Variants in AGMO observed in about 807,000 individuals in gnomAD.
The protein encoded by AGMO is alkylglycerol monooxygenase.
In AGMO, 75 loss-of-function variants were observed where a neutral mutation model predicts 60.2. The ratio of observed to expected loss-of-function variants is 1.25; its 90% CI spans 1.03 to 1.51. AGMO has a LOEUF of 1.51. AGMO is among the 40% of genes most tolerant of loss of function. The pLI is 0.00. For missense variants in AGMO, 763 were observed against 525.5 expected (o/e 1.45, Z -4.42); for synonymous variants, 261 against 177.1 (o/e 1.47, Z -3.76).
At chr7:15,474,311 C>T (rs1394137335) in intron 3 of AGMO, among the ~76,000 whole-genome samples, 1 of 152,078 alleles carries the variant, frequency 6.6e-6, no homozygotes, top group African/African-American at 2.4e-5. Context: ...TACTACAAGC[C>T]TACAGTAACC....
intron 12 of AGMO, among the ~76,000 whole-genome samples, chr7:15,346,057 T>A (rs1328594139): frequency 6.6e-6 from 1 of 152,190 alleles, no homozygotes; most frequent in Non-Finnish European, 1.5e-5. Context: ...TGAAGTATAT[T>A]CTGCTGTTAG....
At chr7:15,304,200 T>G (rs1473633344) in intron 12 of AGMO, among the ~76,000 whole-genome samples, 1 of 152,122 alleles carries the variant, frequency 6.6e-6, no homozygotes, top group Non-Finnish European at 1.5e-5. Flanking sequence ...CAAATGAAAG[T>G]TAACTTTAAA....
At chr7:15,559,995 A>G in intron 2 of AGMO, 146 bp downstream of exon 2, 2 of 723,860 alleles carry the variant, frequency 2.8e-6, no homozygotes. Flanking sequence ...AGAACAAAAT[A>G]TCAAAATTTT....
At chr7:15,303,395 T>C (rs1488250668) in intron 12 of AGMO, among the ~76,000 whole-genome samples, 1 of 151,734 alleles carries the variant, frequency 6.6e-6, no homozygotes, top group East Asian at 1.9e-4. Flanking sequence ...GAATGTCTAA[T>C]TGTGTATTTG....
At chr7:15,177,654 A>C in the AGMO span, among the ~76,000 whole-genome samples, 33 of 152,190 alleles carry the variant, frequency 2.2e-4, no homozygotes, top group East Asian at 6.2e-3. Flanking sequence ...CATGAATAGC[A>C]TGTCTTAACT....
intron 12 of AGMO, among the ~76,000 whole-genome samples, chr7:15,309,791 A>G (rs141824619): frequency 1.3e-5 from 2 of 152,254 alleles, no homozygotes; most frequent in Non-Finnish European, 2.9e-5. Context: ...TGGCTTGCCT[A>G]ATGTCCCTCA....
intron 10 of AGMO, among the ~76,000 whole-genome samples, chr7:15,381,198 G>A (rs1413351101): frequency 6.6e-6 from 1 of 152,044 alleles, no homozygotes; most frequent in African/African-American, 2.4e-5. Context: ...TTAAACTGAA[G>A]AGCTTCTGCA....
chr7:15,398,407 G>C (rs561467371), intron 5 of AGMO, among the ~76,000 whole-genome samples: 9 of 152,278 alleles, frequency 5.9e-5, no homozygotes, highest in Admixed American at 4.6e-4. Context: ...GTCAACCACA[G>C]ATAAATTTCC....
intron 12 of AGMO, among the ~76,000 whole-genome samples, chr7:15,248,998 G>A (rs1782851129): frequency 6.6e-6 from 1 of 152,170 alleles, no homozygotes; most frequent in Admixed American, 6.5e-5. Flanking sequence ...TTTAACAAAT[G>A]AGTATGGATA....
intron 6 of AGMO, among the ~76,000 whole-genome samples, chr7:15,392,866 G>C (rs1273027037): frequency 6.6e-6 from 1 of 152,142 alleles, no homozygotes; most frequent in African/African-American, 2.4e-5. Context: ...GAACATCATA[G>C]CTTCGCCTAG....
intron 12 of AGMO, among the ~76,000 whole-genome samples, chr7:15,298,722 C>T (rs545432663): frequency 6.6e-6 from 1 of 152,228 alleles, no homozygotes; most frequent in South Asian, 2.1e-4. Context: ...TATATCAAGC[C>T]ACTCATTAAT....
chr7:15,265,429 A>C (rs1783402725), intron 12 of AGMO, among the ~76,000 whole-genome samples: 1 of 151,960 alleles, frequency 6.6e-6, no homozygotes, highest in Non-Finnish European at 1.5e-5. Context: ...TGTACCATTT[A>C]ATCTAGAATA....
At chr7:15,184,385 A>G in the AGMO span, among the ~76,000 whole-genome samples, 1 of 115,676 alleles carries the variant, frequency 8.6e-6, no homozygotes, top group Non-Finnish European at 1.8e-5. Flanking sequence ...GGAAGGAAGG[A>G]AAGAAGAGAG....
chr7:15,533,132 C>T (rs187639938), intron 3 of AGMO, among the ~76,000 whole-genome samples: 358 of 152,234 alleles, frequency 2.4e-3, no homozygotes, highest in Non-Finnish European at 4.2e-3. Flanking sequence ...GGTTTTTATA[C>T]ACATGGAGAT....
rs1292242039 is a variant in AGMO at position 15,262,958 on chromosome 7, C to T, written c.1264-61599G>A. On this transcript the variant is annotated intron_variant, in intron 12 of 12. Transcript: ENST00000342526. ...ATGGATCAAAGACTTAAATATAAGA[C>T]CTGAAACCGTAAAGATTCTAGAAGA... Among the ~76,000 whole-genome samples the T allele has an allele frequency of 3.3e-5, 5 of 152,176 alleles. No individual in the cohort carries two copies. The East Asian group carries it at 5.8e-4, about 18-fold the overall frequency.
At chr7:15,360,187 G>C (rs202066994) in intron 12 of AGMO, among the ~76,000 whole-genome samples, 1 of 152,210 alleles carries the variant, frequency 6.6e-6, no homozygotes, top group East Asian at 1.9e-4. Context: ...GAAGAGAAAT[G>C]AAAGCAGACA....
chr7:15,202,489 A>AAAAAAAAAAAAAC (rs1277846759), intron 12 of AGMO, among the ~76,000 whole-genome samples: 1 of 132,054 alleles, frequency 7.6e-6, no homozygotes, highest in African/African-American at 2.9e-5. Flanking sequence ...AAAAAAAAAA[A>AAAAAAAAAAAAAC]CCCTCCCAAA....
rs146144087 is a variant in AGMO, at chr7:15,499,932, C to CACACACACAT, written c.409+44839_409+44840insATGTGTGTGT. On this transcript the variant is annotated intron_variant, in intron 3 of 12. Coordinates refer to ENST00000342526, the MANE Select transcript of AGMO (RefSeq NM_001004320.2). ...GCACACACACACACACACACACACA[C>CACACACACAT]ATATATATATATAATATATATATTT... Among the ~76,000 whole-genome samples, 194 of 138,996 alleles carry CACACACACAT rather than the reference C, an allele frequency of 1.4e-3. 4 individuals carry two copies. The East Asian group carries it at 0.035, about 25-fold the overall frequency. 91.2% of individuals were successfully genotyped at this position (138,996 alleles called of 152,430 possible). A position where few individuals can be genotyped will look rare whatever the true frequency, so the allele number is the denominator to read the frequency against.
intron 12 of AGMO, among the ~76,000 whole-genome samples, chr7:15,253,799 C>A (rs1783016343): frequency 6.6e-6 from 1 of 152,120 alleles, no homozygotes; most frequent in Non-Finnish European, 1.5e-5. Context: ...ACTTATTCCT[C>A]CTATGTAACT....
Sources: allele counts gnomAD v4.1 joint callset (sites outside exome capture counted in the v4.1 genomes callset), GRCh38; gene constraint gnomAD v4.1.1; transcripts MANE v1.5; gene names NCBI Gene and HGNC (gene_info 2026-07-23, HGNC 2026-07-21).